The following MYRFL variants were observed in gnomAD, a reference collection of about 807,000 sequenced individuals.
The protein encoded by MYRFL is myelin regulatory factor like, also known as myelin regulatory factor-like protein.
Under a neutral mutation model 109.4 loss-of-function variants are expected in MYRFL, and 88 were observed. That is an observed-to-expected ratio of 0.80 (90% CI 0.68 to 0.96). The LOEUF (loss-of-function observed/expected upper bound fraction) is 0.96, where lower values mean the gene tolerates loss of function less well. MYRFL is among the 40% of genes least tolerant of loss of function. MYRFL has a pLI of 0.00. For synonymous variants in MYRFL, 324 were observed against 320.9 expected, an observed-to-expected ratio of 1.01 and a Z score of -0.10; for missense variants, 957 against 954.9, an observed-to-expected ratio of 1.00 and a Z score of -0.03.
Position 69,958,961 on chromosome 12 carries a change from T to C in MYRFL, c.*430T>C, listed in dbSNP as rs1201383162. 5.8e-6 allele frequency: 1 copy of C among 172,722 alleles called. No individual in the cohort carries two copies. Among genetic ancestry groups the C allele is most frequent in the African/African-American group, 2.4e-5 (1 of 41,578 alleles). The allele number at this position is 172,722 out of a possible 1,614,324, so 10.7% of individuals were successfully genotyped here. A position where few individuals can be genotyped will look rare whatever the true frequency, so the allele number is the denominator to read the frequency against. Reference sequence around the variant, plus strand: ...TCTTGAGAATGTGTGATATGGTATGTGGAGGAGATGTGGGGGGTGGTATCT... The same window carrying C: ...TCTTGAGAATGTGTGATATGGTATGCGGAGGAGATGTGGGGGGTGGTATCT... On this transcript the variant is annotated 3_prime_UTR_variant, in exon 25 of 25. Transcript: ENST00000552032.
At chr12:69,857,153 A>T (rs867371767) in intron 2 of MYRFL, among the ~76,000 whole-genome samples, 67 of 152,002 alleles carry the variant, frequency 4.4e-4, no homozygotes, top group African/African-American at 1.6e-3. Context: ...ACCTTTGCAC[A>T]GTTGTAAAAA....
intron 19 of MYRFL, among the ~76,000 whole-genome samples, 184 bp downstream of exon 19, chr12:69,936,816 A>G (rs1291150482): frequency 1.3e-5 from 2 of 152,258 alleles, no homozygotes; most frequent in Non-Finnish European, 2.9e-5. Flanking sequence ...TTCCTTGCCC[A>G]GGAATGAAAT....
At chr12:69,944,022 A>G (rs1221486410) in intron 19 of MYRFL, among the ~76,000 whole-genome samples, 1 of 149,560 alleles carries the variant, frequency 6.7e-6, no homozygotes, top group African/African-American at 2.5e-5. Context: ...ATCATTAAAA[A>G]GTCAGGAAGC....
At chr12:69,893,583 C>T (rs1887043590) in intron 7 of MYRFL, among the ~76,000 whole-genome samples, 181 bp from the exon 8 acceptor site, 1 of 152,178 alleles carries the variant, frequency 6.6e-6, no homozygotes, top group South Asian at 2.1e-4. Context: ...TTTCTTTCCT[C>T]ATCAACAGAA....
At chr12:69,891,561 A>ATTTCTTTCTTTC (rs60757761) in intron 7 of MYRFL, among the ~76,000 whole-genome samples, 20,160 of 114,414 alleles carry the variant, frequency 0.18, 2,412 homozygotes, top group Middle Eastern at 0.21. Context: ...AAAGGTGTCA[A>ATTTCTTTCTTTC]TTTCTTTCTT....
intron 10 of MYRFL, among the ~76,000 whole-genome samples, chr12:69,899,166 A>G (rs570288447): frequency 1.3e-5 from 2 of 152,322 alleles, no homozygotes; most frequent in South Asian, 2.1e-4. Context: ...GTATAACACA[A>G]AAGTTACCCT....
intron 16 of MYRFL, 26 bp downstream of exon 16, chr12:69,932,624 A>G (rs1475067445): frequency 3.4e-6 from 5 of 1,479,778 alleles, no homozygotes; most frequent in Non-Finnish European, 4.6e-6. Context: ...CTGTTATGCC[A>G]TGTCAAGCTC....
chr12:69,857,884 C>A (rs997824326), intron 2 of MYRFL, among the ~76,000 whole-genome samples: 2 of 151,580 alleles, frequency 1.3e-5, no homozygotes, highest in African/African-American at 4.8e-5. Flanking sequence ...GTAGGTAAGA[C>A]CTGGGTATAG....
intron 5 of MYRFL, among the ~76,000 whole-genome samples, chr12:69,886,091 G>A (rs557397027): frequency 1.5e-3 from 227 of 152,100 alleles, no homozygotes; most frequent in African/African-American, 4.8e-3. Context: ...TCAAAAAAAA[G>A]CAAACCCTCA....
chr12:69,949,173 T>A (rs1332628621), intron 19 of MYRFL, among the ~76,000 whole-genome samples: 2 of 151,856 alleles, frequency 1.3e-5, no homozygotes, highest in Non-Finnish European at 2.9e-5. Context: ...GGAGTGATTG[T>A]CCCCAAGTAT....
At chr12:69,939,062 T>C (rs1401025859) in intron 19 of MYRFL, among the ~76,000 whole-genome samples, 1 of 152,132 alleles carries the variant, frequency 6.6e-6, no homozygotes, top group Non-Finnish European at 1.5e-5. Context: ...GTCTCGCTGA[T>C]TGCTAGCACA....
intron 13 of MYRFL, among the ~76,000 whole-genome samples, chr12:69,925,363 GC>G (rs1566029504): frequency 6.6e-6 from 1 of 152,168 alleles, no homozygotes; most frequent in Non-Finnish European, 1.5e-5. Context: ...GGAATGTTCA[GC>G]TTTTGATTCT....
chr12:69,833,793 A>ACTCATGT (rs1178110262), intron 1 of MYRFL, among the ~76,000 whole-genome samples: 1 of 147,724 alleles, frequency 6.8e-6, no homozygotes, highest in Non-Finnish European at 1.5e-5. Context: ...TAGTTGTAGA[A>ACTCATGT]CTCATGTCTC....
At chr12:69,839,224 AACAGGTTCTG>A (rs1307317174) in intron 1 of MYRFL, among the ~76,000 whole-genome samples, 1 of 152,176 alleles carries the variant, frequency 6.6e-6, no homozygotes, top group African/African-American at 2.4e-5. Flanking sequence ...ACCCAGAAAG[AACAGGTTCTG>A]ACTCAGCTTT....
At chr12:69,911,242 T>TCA (rs531235376) in intron 13 of MYRFL, among the ~76,000 whole-genome samples, 112 of 152,292 alleles carry the variant, frequency 7.4e-4, no homozygotes, top group Middle Eastern at 6.8e-3. Context: ...GGGCCAAACA[T>TCA]CATGATAAAT....
At chr12:69,827,576 A>C (rs1882362092) in intron 1 of MYRFL, among the ~76,000 whole-genome samples, 1 of 152,078 alleles carries the variant, frequency 6.6e-6, no homozygotes, top group Non-Finnish European at 1.5e-5. Context: ...TTTTTTCAGC[A>C]AAATGGTACC....
At chr12:69,855,514 A>G (rs1347184477) in intron 2 of MYRFL, 144 bp downstream of exon 2, 1 of 544,662 alleles carries the variant, frequency 1.8e-6, no homozygotes, top group African/African-American at 1.9e-5. Context: ...TCTTTGACAA[A>G]TATCACCACT....
chr12:69,953,157 G>T (rs563656071), intron 21 of MYRFL, among the ~76,000 whole-genome samples: 1 of 152,164 alleles, frequency 6.6e-6, no homozygotes, highest in Non-Finnish European at 1.5e-5. Flanking sequence ...CAGCTCTGTT[G>T]CTGACTCTCT....
In MYRFL at chr12:69,850,481, A is replaced by G. The variant is rs1312990370; in HGVS notation, c.47-4799A>G. Among the ~76,000 whole-genome samples, 3 of 152,156 alleles carry G rather than the reference A, an allele frequency of 2.0e-5. No homozygotes were observed. In the East Asian group the frequency reaches 5.8e-4, roughly 29 times the overall value. On this transcript the variant is annotated intron_variant, in intron 1 of 24. Coordinates refer to ENST00000552032, the MANE Select transcript of MYRFL (RefSeq NM_182530.3). ...AAAGTAATTATTTATTGTTAAAACT[A>G]TCAGTTCTAAAGGATTCTTCCAAGA... is the stretch of plus-strand genomic sequence containing the variant.
Sources: gnomAD v4.1 joint callset for allele counts (sites outside exome capture counted in the v4.1 genomes callset) on GRCh38, gnomAD v4.1.1 for gene constraint, MANE v1.5 for transcripts, NCBI Gene and HGNC (gene_info 2026-07-23, HGNC 2026-07-21) for gene names.